TULP4: variants seen among roughly 807,000 people sequenced by gnomAD.
TULP4 encodes TUB like protein 4, also known as tubby-related protein 4.
In TULP4, 16 loss-of-function variants were observed where a neutral mutation model predicts 129.0. The ratio of observed to expected loss-of-function variants is 0.12; its 90% confidence interval spans 0.08 to 0.19. The LOEUF (loss-of-function observed/expected upper bound fraction) is 0.19, where lower values mean the gene tolerates loss of function less well. Among genes scored for constraint, TULP4 ranks in the 10% least tolerant of loss-of-function variants. The pLI, the probability that TULP4 is intolerant of heterozygous loss-of-function variation, is 1.00. For missense variants in TULP4, 1,842 were observed against 2,059.1 expected (o/e 0.89, Z 2.04); for synonymous variants, 998 against 854.0 (o/e 1.17, Z -2.94).
Position 158,238,412 on chromosome 6 carries a change from ATTGTT to A in TULP4, n.68+6112_68+6116del, listed in dbSNP as rs1199345384. On this transcript the variant is annotated intron_variant and non_coding_transcript_variant, in intron 1 of 1. Coordinates refer to the TULP4 transcript ENST00000620026. ...TACATAGCAAGTAATGCCTTGTTAA[ATTGTT>A]TTTTTTTTTTTTTTTAAATTTATTT... The A allele has an allele frequency of 2.4e-3, 1,007 of 424,704 alleles. 5 individuals are homozygous for A. Among genetic ancestry groups the A allele is most frequent in the African/African-American group, 0.018 (673 of 38,096 alleles). 26.3% of individuals were successfully genotyped at this position (424,704 alleles called of 1,614,324 possible). A position where few individuals can be genotyped will look rare whatever the true frequency, so the allele number is the denominator to read the frequency against.
intron 2 of TULP4, among the ~76,000 whole-genome samples, chr6:158,415,714 A>G (rs1041727351): frequency 2.0e-5 from 3 of 151,552 alleles, no homozygotes; most frequent in Non-Finnish European, 4.4e-5. Context: ...CAGGTCCTTC[A>G]GGAGGTATTC....
In TULP4 at chr6:158,251,077, A is replaced by G. The variant is rs76400621; in HGVS notation, n.68+18774A>G. Among the ~76,000 whole-genome samples, 928 of 152,348 alleles carry G rather than the reference A, an allele frequency of 6.1e-3. 3 individuals are homozygous for G. Among genetic ancestry groups the G allele is most frequent in the Non-Finnish European group, 0.011 (718 of 68,022 alleles). On this transcript the variant is annotated intron_variant and non_coding_transcript_variant, in intron 1 of 1. Transcript: ENST00000620026. Reference sequence around the variant, plus strand: ...GAGGCAGACAGGGGAGGCTGGGCGCATTCACAAATTAGATCACAAAAGAGC... The same window carrying G: ...GAGGCAGACAGGGGAGGCTGGGCGCGTTCACAAATTAGATCACAAAAGAGC...
intron 6 of TULP4, among the ~76,000 whole-genome samples, chr6:158,478,990 G>T (rs1469269953): frequency 2.6e-5 from 4 of 152,120 alleles, no homozygotes; most frequent in African/African-American, 9.7e-5. Context: ...GTGACTGTGG[G>T]TTATATACTG....
intron 1 of TULP4, among the ~76,000 whole-genome samples, chr6:158,354,640 C>T (rs1780602304): frequency 6.6e-6 from 1 of 152,090 alleles, no homozygotes; most frequent in Non-Finnish European, 1.5e-5. Flanking sequence ...TGCCTGTAGT[C>T]CCAGCACTTT....
Position 158,489,658 on chromosome 6 carries a change from T to C in TULP4, c.1557T>C (p.Ile519=). Residue 519 remains isoleucine (I), a synonymous_variant, in exon 9 of 14, where the codon ATT becomes ATC. Coordinates refer to ENST00000367097, the MANE Select transcript of TULP4 (RefSeq NM_020245.5). ...GCAACTGCTCAGACTCCAGTGACAT[T>C]GAGCTGAGTGATGACTGGGCTGCCA... ...DSCNCSDSSD[I]ELSDDWAAKK... 1 of 1,614,024 alleles carries C rather than the reference T, an allele frequency of 6.2e-7. No homozygotes were observed. The highest frequency in any genetic ancestry group is 8.5e-7 in the Non-Finnish European group (1 of 1,179,898).
intron 1 of TULP4, among the ~76,000 whole-genome samples, chr6:158,388,440 C>T (rs774440016): frequency 6.2e-5 from 9 of 145,216 alleles, no homozygotes; most frequent in Admixed American, 1.4e-4. Context: ...CACCATTCTC[C>T]TGCCTCAGCT....
Position 158,305,310 on chromosome 6 carries a change from T to A in TULP4, n.117-6741T>A, listed in dbSNP as rs532167963. On this transcript the variant is annotated intron_variant and non_coding_transcript_variant, in intron 1 of 1. Transcript: ENST00000432358. Reference sequence around the variant, plus strand: ...CTCTCCCTTTTAAGGCTGAATGATATTTCATTCTGTGTGCGTGTGTGTGTG... The same window carrying A: ...CTCTCCCTTTTAAGGCTGAATGATAATTCATTCTGTGTGCGTGTGTGTGTG... 1.7e-4 allele frequency among the ~76,000 whole-genome samples: 25 copies of A among 145,314 alleles called. 1 individual carries two copies. The highest frequency in any genetic ancestry group is 1.7e-3 in the Admixed American group (23 of 13,616).
rs1780619433 is a variant in TULP4, at chr6:158,506,953, G to C, written c.*259G>C. 1 of 469,290 alleles carries C rather than the reference G, an allele frequency of 2.1e-6. No individual in the cohort carries two copies. Among genetic ancestry groups the C allele is most frequent in the Admixed American group, 3.7e-5 (1 of 27,242 alleles). The allele number at this position is 469,290 out of a possible 1,614,324, so 29.1% of individuals were successfully genotyped here. On this transcript the variant is annotated 3_prime_UTR_variant, in exon 14 of 14. Coordinates refer to ENST00000367097, the MANE Select transcript of TULP4 (RefSeq NM_020245.5). Reference sequence around the variant, plus strand: ...TGGAAGCAAAGAGTGCTAGGCACCTGCTGTTCTTTCAGGAAACAGCTTGGC... The same window carrying C: ...TGGAAGCAAAGAGTGCTAGGCACCTCCTGTTCTTTCAGGAAACAGCTTGGC...
At chr6:158,274,750 C>T (rs1455493211) in intron 1 of TULP4, among the ~76,000 whole-genome samples, 1 of 152,186 alleles carries the variant, frequency 6.6e-6, no homozygotes, top group Non-Finnish European at 1.5e-5. Flanking sequence ...GCACTCCAGC[C>T]TGGGCAACAG....
intron 3 of TULP4, among the ~76,000 whole-genome samples, chr6:158,439,759 T>A (rs924726631): frequency 3.2e-5 from 4 of 125,546 alleles, no homozygotes; most frequent in African/African-American, 1.2e-4. Flanking sequence ...TTGCCCAGGC[T>A]GGAGTGCAGT....
intron 1 of TULP4, among the ~76,000 whole-genome samples, chr6:158,301,492 C>T (rs143807885): frequency 6.6e-6 from 1 of 152,038 alleles, no homozygotes; most frequent in African/African-American, 2.4e-5. Context: ...GCCTGAACTT[C>T]GAGTTGATTT....
chr6:158,475,977 A>G (rs1465101611), intron 6 of TULP4, among the ~76,000 whole-genome samples: 1 of 152,222 alleles, frequency 6.6e-6, no homozygotes, highest in Non-Finnish European at 1.5e-5. Context: ...CTGAGAAGTC[A>G]TACCCTGCTG....
At chr6:158,308,816 T>C (rs1779269403), upstream of TULP4, among the ~76,000 whole-genome samples, 1 of 125,724 alleles carries the variant, frequency 8.0e-6, no homozygotes, top group African/African-American at 3.0e-5. Flanking sequence ...GGCTCCTCAC[T>C]TCCCAGTAGG....
intron 13 of TULP4, among the ~76,000 whole-genome samples, chr6:158,505,537 G>A (rs373651436): frequency 9.9e-5 from 15 of 152,228 alleles, no homozygotes; most frequent in Non-Finnish European, 1.9e-4. Flanking sequence ...CAGAAAGTGC[G>A]TCAGCCCCTG....
chr6:158,335,815 T>C (rs188653870), intron 1 of TULP4, among the ~76,000 whole-genome samples: 16 of 152,382 alleles, frequency 1.0e-4, no homozygotes, highest in Admixed American at 2.6e-4. Flanking sequence ...CATATACTAC[T>C]GTATATCGTA....
chr6:158,268,527 G>T (rs775561101), intron 1 of TULP4, among the ~76,000 whole-genome samples: 2 of 152,216 alleles, frequency 1.3e-5, no homozygotes. Context: ...GAGCTGAGAA[G>T]TCCAAGAGCA....
At chr6:158,268,684 C>T (rs1461544876) in intron 1 of TULP4, among the ~76,000 whole-genome samples, 1 of 152,142 alleles carries the variant, frequency 6.6e-6, no homozygotes, top group Non-Finnish European at 1.5e-5. Context: ...ATTACATTTT[C>T]CTATTTTACT....
At chr6:158,365,686 G>T (rs1179274348) in intron 1 of TULP4, among the ~76,000 whole-genome samples, 2 of 150,456 alleles carry the variant, frequency 1.3e-5, no homozygotes, top group Non-Finnish European at 3.0e-5. Flanking sequence ...TTAGCCAATA[G>T]GGTCTCGATC....
chr6:158,367,499 G>A (rs528580639), intron 1 of TULP4, among the ~76,000 whole-genome samples: 23 of 152,280 alleles, frequency 1.5e-4, no homozygotes, highest in African/African-American at 4.6e-4. Context: ...CAGCCATATG[G>A]TATCTGTTTA....
Sources: allele counts gnomAD v4.1 joint callset (sites outside exome capture counted in the v4.1 genomes callset), GRCh38; gene constraint gnomAD v4.1.1; transcripts MANE v1.5; gene names NCBI Gene and HGNC (gene_info 2026-07-23, HGNC 2026-07-21).